MS4A12: variants seen among roughly 807,000 people sequenced by gnomAD.
The protein encoded by MS4A12 is membrane spanning 4-domains A12, also known as membrane-spanning 4-domains subfamily A member 12.
Under a neutral mutation model 23.7 loss-of-function variants are expected in MS4A12, and 28 were observed. The ratio of observed to expected loss-of-function variants is 1.18; its 90% CI spans 0.88 to 1.62. The LOEUF is 1.62. MS4A12 is among the 40% of genes most tolerant of loss of function. The probability of loss-of-function intolerance (pLI) is 0.00; values close to 1 mark genes in which losing one functional copy is unlikely to be tolerated. For missense variants in MS4A12, 342 were observed against 327.0 expected, an observed-to-expected ratio of 1.05 and a Z score of -0.35; for synonymous variants, 108 against 110.1, an observed-to-expected ratio of 0.98 and a Z score of 0.12.
At chr11:60,500,902 C>T (rs921384672) in intron 2 of MS4A12, 143 bp from the exon 3 acceptor site, 4 of 908,298 alleles carry the variant, frequency 4.4e-6, no homozygotes, top group African/African-American at 3.4e-5. Flanking sequence ...TCATGACCCA[C>T]CTCCTGCTTC....
chr11:60,494,252 G>T (rs1275152548), intron 1 of MS4A12, among the ~76,000 whole-genome samples: 1 of 152,066 alleles, frequency 6.6e-6, no homozygotes, highest in Non-Finnish European at 1.5e-5. Flanking sequence ...AATAATCTGG[G>T]TTCTATGTGA....
At chr11:60,497,654 T>C (rs573664006) in intron 2 of MS4A12, 60 bp downstream of exon 2, 2 of 1,543,874 alleles carry the variant, frequency 1.3e-6, no homozygotes, top group South Asian at 1.2e-5. Flanking sequence ...TTATAAGTTA[T>C]AGGAGAGTAT....
At chr11:60,503,868 AG>A in intron 5 of MS4A12, 51 bp downstream of exon 5, 1 of 1,502,830 alleles carries the variant, frequency 6.7e-7, no homozygotes, top group Non-Finnish European at 9.2e-7. Context: ...AGTCCCGTAA[AG>A]TGGGTCTATG....
chr11:60,493,821 AG>A (rs1465298622), intron 1 of MS4A12, among the ~76,000 whole-genome samples: 1 of 152,256 alleles, frequency 6.6e-6, no homozygotes, highest in Non-Finnish European at 1.5e-5. Flanking sequence ...ACTATAAAGA[AG>A]TAAATTTTTC....
At chr11:60,497,202 T>A in intron 1 of MS4A12, 111 bp from the exon 2 acceptor site, 1 of 1,247,914 alleles carries the variant, frequency 8.0e-7, no homozygotes, top group Non-Finnish European at 1.1e-6. Flanking sequence ...CATTATCTGC[T>A]CACTTGTTCT....
chr11:60,496,459 G>C (rs900393389), intron 1 of MS4A12, among the ~76,000 whole-genome samples: 1 of 152,122 alleles, frequency 6.6e-6, no homozygotes, highest in South Asian at 2.1e-4. Flanking sequence ...GGCCTGAGAT[G>C]CTCTAAGCTT....
intron 5 of MS4A12, among the ~76,000 whole-genome samples, chr11:60,504,082 C>T (rs1053456612): frequency 3.9e-5 from 6 of 152,142 alleles, no homozygotes; most frequent in Non-Finnish European, 8.8e-5. Context: ...GGATAGGCCT[C>T]CATGGCTTCT....
chr11:60,500,395 A>G (rs2086521902), intron 2 of MS4A12, among the ~76,000 whole-genome samples: 3 of 152,218 alleles, frequency 2.0e-5, no homozygotes. Context: ...TGGAAAAGGT[A>G]GAGCAGAGCT....
At chr11:60,496,769 T>C (rs930404276) in intron 1 of MS4A12, among the ~76,000 whole-genome samples, 1 of 152,230 alleles carries the variant, frequency 6.6e-6, no homozygotes, top group South Asian at 2.1e-4. Context: ...AGCAGAGTCA[T>C]GTTCCTTCCT....
In MS4A12 at chr11:60,507,041, A is replaced by G; in HGVS notation, c.721A>G (p.Met241Val). ...CCAGTCTGTCCTGGTTATTCCAAAT[A>G]TGTATGAAAGCAACCCTGTGACACC... ...TNMSVLVIPN[M>V]YESNPVTPAS... Residue 241 changes from methionine to valine, a missense_variant, in exon 7 of 7, where the codon ATG becomes GTG. Physicochemically the swap from Met to Val is conservative, Grantham distance 21. Transcript: ENST00000016913. 6.2e-7 allele frequency: 1 copy of G among 1,613,806 alleles called. No individual in the cohort carries two copies. Among genetic ancestry groups the G allele is most frequent in the Admixed American group, 1.7e-5 (1 of 60,016 alleles).
chr11:60,498,715 A>C (rs948573630), intron 2 of MS4A12, among the ~76,000 whole-genome samples: 3 of 152,238 alleles, frequency 2.0e-5, no homozygotes, highest in Non-Finnish European at 4.4e-5. Flanking sequence ...AAAGGGCTAA[A>C]AAGTACTAGG....
chr11:60,500,981 A>G, intron 2 of MS4A12, 64 bp from the exon 3 acceptor site: 2 of 1,506,044 alleles, frequency 1.3e-6, no homozygotes, highest in Non-Finnish European at 1.8e-6. Flanking sequence ...GGCAGCAATG[A>G]CAGTAATGTT....
At position 60,497,447 on chromosome 11, in the gene MS4A12, T is replaced by C; in HGVS notation, c.129T>C (p.Ala43=). Reference sequence around the variant, plus strand: ...GTTCAATCAACTTAGAAAACCAAGCTCAGGGTGCTCAGCGTGCTCAGCCCT... The same window carrying C: ...GTTCAATCAACTTAGAAAACCAAGCCCAGGGTGCTCAGCGTGCTCAGCCCT... ...PLGSINLENQ[A]QGAQRAQPYG... The change falls in exon 2 of 7, where the codon GCT becomes GCC. Residue 43 remains alanine (A), a synonymous_variant. Transcript: ENST00000016913. 1 of 1,614,148 alleles carries C rather than the reference T, an allele frequency of 6.2e-7. No individual in the cohort carries two copies. Among genetic ancestry groups the C allele is most frequent in the Non-Finnish European group, 8.5e-7 (1 of 1,180,042 alleles).
chr11:60,503,664 C>G, intron 4 of MS4A12, 37 bp from the exon 5 acceptor site: 1 of 1,476,292 alleles, frequency 6.8e-7, no homozygotes, highest in Non-Finnish European at 9.4e-7. Context: ...TTCAGTGATC[C>G]TGTATATAAT....
chr11:60,499,366 T>C (rs1449349310), intron 2 of MS4A12, among the ~76,000 whole-genome samples: 1 of 152,232 alleles, frequency 6.6e-6, no homozygotes, highest in Non-Finnish European at 1.5e-5. Context: ...TGAGGGCCAG[T>C]ACAAATCCAG....
chr11:60,502,169 C>T (rs2086535475), intron 4 of MS4A12, 130 bp downstream of exon 4: 2 of 918,604 alleles, frequency 2.2e-6, no homozygotes, highest in Non-Finnish European at 3.4e-6. Context: ...CTATTGGTTG[C>T]CTTATGGTCT....
intron 4 of MS4A12, among the ~76,000 whole-genome samples, chr11:60,502,661 A>G (rs1007759562): frequency 6.6e-6 from 1 of 152,224 alleles, no homozygotes. Context: ...TTTATCAAGA[A>G]CTAGAGTCAA....
intron 5 of MS4A12, 82 bp downstream of exon 5, chr11:60,503,899 A>G: frequency 8.5e-7 from 1 of 1,182,742 alleles, no homozygotes; most frequent in Non-Finnish European, 1.2e-6. Flanking sequence ...TTAATACCGT[A>G]TACCAGCTCT....
chr11:60,503,590 A>T, intron 4 of MS4A12, 111 bp from the exon 5 acceptor site: 1 of 870,690 alleles, frequency 1.1e-6, no homozygotes, highest in South Asian at 1.8e-5. Context: ...TCAACTTGAA[A>T]AATTGTTTTG....
Sources: gnomAD v4.1 joint callset for allele counts (sites outside exome capture counted in the v4.1 genomes callset) on GRCh38, gnomAD v4.1.1 for gene constraint, MANE v1.5 for transcripts, NCBI Gene and HGNC (gene_info 2026-07-23, HGNC 2026-07-21) for gene names.